CTNNA3: variants seen among roughly 807,000 people sequenced by gnomAD.
CTNNA3 encodes the protein catenin alpha-3.
In CTNNA3, 76 loss-of-function variants were observed where a neutral mutation model predicts 95.7. The ratio of observed to expected loss-of-function variants is 0.79; its 90% CI spans 0.66 to 0.96. CTNNA3 has a LOEUF of 0.96. Ranked by LOEUF, CTNNA3 falls within the 40% of genes least tolerant of loss-of-function variation. CTNNA3 has a pLI of 0.00. For synonymous variants in CTNNA3, 431 were observed against 374.4 expected (o/e 1.15, Z -1.74); for missense variants, 1,191 against 1,089.8 (o/e 1.09, Z -1.31).
At chr10:67,013,430 T>C (rs1363045884) in intron 7 of CTNNA3, among the ~76,000 whole-genome samples, 1 of 152,178 alleles carries the variant, frequency 6.6e-6, no homozygotes, top group African/African-American at 2.4e-5. Context: ...TCATTTCCAA[T>C]AAGCAAAGCA....
intron 11 of CTNNA3, among the ~76,000 whole-genome samples, chr10:66,458,614 T>G (rs1564983267): frequency 6.6e-6 from 1 of 152,168 alleles, no homozygotes; most frequent in Non-Finnish European, 1.5e-5. Context: ...TGGTGACCAC[T>G]ATTCTATTTT....
intron 10 of CTNNA3, among the ~76,000 whole-genome samples, chr10:66,615,394 T>C (rs1844475982): frequency 6.6e-6 from 1 of 151,966 alleles, no homozygotes. Flanking sequence ...CTTATACTGT[T>C]AAGTCACCTA....
intron 9 of CTNNA3, among the ~76,000 whole-genome samples, chr10:66,631,468 T>A (rs530987137): frequency 6.6e-6 from 1 of 152,176 alleles, no homozygotes; most frequent in African/African-American, 2.4e-5. Context: ...AAATGACTCA[T>A]GACTGAGAGA....
At chr10:66,552,896 T>TA (rs987551905) in intron 10 of CTNNA3, among the ~76,000 whole-genome samples, 4 of 151,938 alleles carry the variant, frequency 2.6e-5, no homozygotes, top group African/African-American at 7.2e-5. Context: ...TGATATTTGT[T>TA]AAAAAAAATT....
chr10:66,713,310 C>CT (rs1326728083), intron 9 of CTNNA3, among the ~76,000 whole-genome samples: 11 of 152,146 alleles, frequency 7.2e-5, no homozygotes, highest in East Asian at 1.9e-4. Flanking sequence ...CTCCTAATCA[C>CT]TGTGGCTTCA....
At chr10:66,588,846 C>T (rs1449323318) in intron 10 of CTNNA3, among the ~76,000 whole-genome samples, 4 of 152,006 alleles carry the variant, frequency 2.6e-5, no homozygotes, top group Non-Finnish European at 5.9e-5. Flanking sequence ...AAATTCATTA[C>T]AATTGAACCT....
chr10:67,460,490 A>T (rs1259814290), intron 5 of CTNNA3, among the ~76,000 whole-genome samples: 1 of 152,162 alleles, frequency 6.6e-6, no homozygotes, highest in Non-Finnish European at 1.5e-5. Flanking sequence ...TACCAATCTC[A>T]AAAAAAGAGA....
At chr10:67,435,088 A>G (rs1309557730) in intron 5 of CTNNA3, among the ~76,000 whole-genome samples, 2 of 152,002 alleles carry the variant, frequency 1.3e-5, no homozygotes, top group African/African-American at 4.8e-5. Context: ...ATGTATTCAA[A>G]TGTTCCTAGC....
chr10:67,089,920 C>A (rs1857530765), intron 7 of CTNNA3, among the ~76,000 whole-genome samples: 1 of 151,996 alleles, frequency 6.6e-6, no homozygotes, highest in Admixed American at 6.6e-5. Flanking sequence ...TGTACTTCTG[C>A]AGCACCTGCC....
At chr10:66,404,983 T>C (rs767859556) in intron 11 of CTNNA3, among the ~76,000 whole-genome samples, 29 of 152,056 alleles carry the variant, frequency 1.9e-4, no homozygotes, top group Admixed American at 2.6e-4. Context: ...CAGGGCGAGT[T>C]TGGTGGAATT....
intron 10 of CTNNA3, among the ~76,000 whole-genome samples, chr10:66,607,341 T>C (rs1041859871): frequency 6.6e-6 from 1 of 151,950 alleles, no homozygotes; most frequent in Non-Finnish European, 1.5e-5. Context: ...GACCTCATTT[T>C]ACCAGATGTC....
intron 4 of CTNNA3, 54 bp from the exon 5 acceptor site, chr10:67,522,015 T>G: frequency 6.4e-7 from 1 of 1,567,262 alleles, no homozygotes; most frequent in Non-Finnish European, 8.7e-7. Context: ...TTTTCTCAAA[T>G]TCTCAACTTG....
intron 16 of CTNNA3, 54 bp from the exon 17 acceptor site, chr10:65,966,800 TC>T: frequency 7.0e-7 from 1 of 1,422,836 alleles, no homozygotes; most frequent in Non-Finnish European, 9.7e-7. Context: ...AATAGTTAGA[TC>T]AAGGTGAGTA....
chr10:67,502,253 C>G (rs187596991), intron 5 of CTNNA3, among the ~76,000 whole-genome samples: 1 of 152,252 alleles, frequency 6.6e-6, no homozygotes, highest in Non-Finnish European at 1.5e-5. Flanking sequence ...CTGGTGTTTG[C>G]TGGGGGTCCA....
intron 6 of CTNNA3, among the ~76,000 whole-genome samples, chr10:67,200,065 T>A (rs1462681490): frequency 1.3e-5 from 2 of 151,910 alleles, no homozygotes; most frequent in Non-Finnish European, 2.9e-5. Flanking sequence ...TGAGAAGGAG[T>A]GCTTTATCTA....
At chr10:66,304,751 T>C (rs912876659) in intron 12 of CTNNA3, among the ~76,000 whole-genome samples, 1 of 152,100 alleles carries the variant, frequency 6.6e-6, no homozygotes. Flanking sequence ...GTATTGACTG[T>C]GTAACAAAAG....
intron 9 of CTNNA3, among the ~76,000 whole-genome samples, chr10:66,754,875 GCA>G (rs1447758698): frequency 6.6e-6 from 1 of 152,166 alleles, no homozygotes; most frequent in East Asian, 1.9e-4. Flanking sequence ...GTAGAGCCTG[GCA>G]CCACTGAAAA....
chr10:66,006,926 G>A (rs1268930284), intron 15 of CTNNA3, among the ~76,000 whole-genome samples: 1 of 152,144 alleles, frequency 6.6e-6, no homozygotes, highest in Non-Finnish European at 1.5e-5. Flanking sequence ...ATTCAGTACA[G>A]AGTTAGTTCA....
chr10:66,293,348 A>G (rs2091719112), intron 12 of CTNNA3, among the ~76,000 whole-genome samples: 1 of 152,182 alleles, frequency 6.6e-6, no homozygotes, highest in Non-Finnish European at 1.5e-5. Context: ...CAAAACTGCC[A>G]AAAGAGAATC....
Sources: gnomAD v4.1 joint callset for allele counts (sites outside exome capture counted in the v4.1 genomes callset) on GRCh38, gnomAD v4.1.1 for gene constraint, MANE v1.5 for transcripts, NCBI Gene and HGNC (gene_info 2026-07-23, HGNC 2026-07-21) for gene names.